The following BAIAP2 variants were observed in gnomAD, a reference collection of about 807,000 sequenced individuals.
BAIAP2 encodes BAR/IMD domain containing adaptor protein 2.
A neutral mutation model predicts 63.0 loss-of-function variants in BAIAP2; 18 were observed. The observed-to-expected ratio is 0.29, with a 90% CI of 0.20 to 0.42. The LOEUF is 0.42. Ranked by LOEUF, BAIAP2 falls within the 10% of genes least tolerant of loss-of-function variation. The pLI, the probability that BAIAP2 is intolerant of heterozygous loss-of-function variation, is 1.00. For synonymous variants in BAIAP2, 386 were observed against 307.6 expected (o/e 1.25, Z -2.67); for missense variants, 610 against 734.3 (o/e 0.83, Z 1.96).
At position 81,047,554 on chromosome 17, in the gene BAIAP2, A is replaced by G. The variant is rs527534593; in HGVS notation, c.55-6114A>G. On this transcript the variant is annotated intron_variant, in intron 1 of 13. Coordinates refer to ENST00000428708, the MANE Select transcript of BAIAP2 (RefSeq NM_001144888.2). ...TGCACAGGTAAACACGTTCATGCCC[A>G]CAGCACACACATGGGTCCAGCTCAT... Among the ~76,000 whole-genome samples the G allele has an allele frequency of 2.6e-5, 4 of 152,150 alleles. No homozygotes were observed. In the South Asian group the frequency reaches 8.3e-4, roughly 32 times the overall value.
At chr17:81,085,401 C>T (rs994802349) in intron 4 of BAIAP2, 39 of 644,624 alleles carry the variant, frequency 6.1e-5, no homozygotes, top group African/African-American at 5.5e-4. Flanking sequence ...AGGGGATGGC[C>T]GTTTGTTTCC....
chr17:81,078,990 C>A (rs1440722206), intron 3 of BAIAP2, among the ~76,000 whole-genome samples: 2 of 152,126 alleles, frequency 1.3e-5, no homozygotes, highest in Non-Finnish European at 2.9e-5. Flanking sequence ...GCTCAGCCTG[C>A]AGGAGAGATG....
In BAIAP2 at chr17:81,116,029, C is replaced by T. The variant is rs1234519937; in HGVS notation, c.*190C>T. The T allele has an allele frequency of 4.8e-6, 7 of 1,459,082 alleles. No homozygotes were observed. Among genetic ancestry groups the T allele is most frequent in the Non-Finnish European group, 6.3e-6 (7 of 1,108,780 alleles). 90.4% of individuals were successfully genotyped at this position (1,459,082 alleles called of 1,614,324 possible). A position where few individuals can be genotyped will look rare whatever the true frequency, so the allele number is the denominator to read the frequency against. On this transcript the variant is annotated 3_prime_UTR_variant, in exon 14 of 14. Transcript: ENST00000428708. ...AGGGCCGGGCAGAGTGGGGCGCAGG[C>T]CCCTGAAGGGCGAGACCCAGTGGCT...
At chr17:81,049,554 C>A (rs1425224460) in intron 1 of BAIAP2, among the ~76,000 whole-genome samples, 2 of 152,260 alleles carry the variant, frequency 1.3e-5, no homozygotes, top group Admixed American at 1.3e-4. Context: ...CCATCCCCTG[C>A]CCCAGCACTG....
At chr17:81,064,602 C>CT (rs11413283) in intron 3 of BAIAP2, among the ~76,000 whole-genome samples, 78,789 of 152,006 alleles carry the variant, frequency 0.52, 20,618 homozygotes, top group Middle Eastern at 0.58. Flanking sequence ...CCCAGAGAGT[C>CT]TTTTTTTGCT....
chr17:81,073,369 C>T (rs1341094413), intron 3 of BAIAP2, among the ~76,000 whole-genome samples: 1 of 152,166 alleles, frequency 6.6e-6, no homozygotes, highest in Non-Finnish European at 1.5e-5. Context: ...GGCTGTGCTG[C>T]TCCCCTCACC....
At chr17:81,104,989 C>CCCCAACGG (rs2058957903) in intron 10 of BAIAP2, 1 of 400,984 alleles carries the variant, frequency 2.5e-6, no homozygotes, top group Admixed American at 4.0e-5. Context: ...AGGGATCTCC[C>CCCCAACGG]CCCAACGGCA....
intron 10 of BAIAP2, 37 bp from the exon 11 acceptor site, chr17:81,106,041 G>A (rs1435107082): frequency 5.2e-6 from 8 of 1,546,486 alleles, no homozygotes; most frequent in Non-Finnish European, 7.0e-6. Flanking sequence ...GGAGCCTCTG[G>A]GCTGAGCGTG....
chr17:81,095,395 T>A (rs1425395083), intron 6 of BAIAP2, among the ~76,000 whole-genome samples: 1 of 152,114 alleles, frequency 6.6e-6, no homozygotes, highest in African/African-American at 2.4e-5. Flanking sequence ...GGCCGCCACC[T>A]CCTCTCCTCC....
rs570830586 is a variant in BAIAP2 at position 81,101,064 on chromosome 17, G to A, written c.642+984G>A. 1.2e-4 allele frequency among the ~76,000 whole-genome samples: 18 copies of A among 151,030 alleles called. No homozygotes were observed. In the East Asian group the frequency reaches 2.3e-3, roughly 19 times the overall value. ...TAGGCGTCCCCCGGCACAGTCCTGCGGCCCTGTGTCTCCCGCTAGGTGTCC... is the reference window on the plus strand; with the variant it reads ...TAGGCGTCCCCCGGCACAGTCCTGCAGCCCTGTGTCTCCCGCTAGGTGTCC... On this transcript the variant is annotated intron_variant, in intron 7 of 13. Coordinates refer to ENST00000428708, the MANE Select transcript of BAIAP2 (RefSeq NM_001144888.2).
chr17:81,048,567 G>A (rs964901155), intron 1 of BAIAP2, among the ~76,000 whole-genome samples: 5 of 151,836 alleles, frequency 3.3e-5, no homozygotes, highest in South Asian at 2.1e-4. Context: ...AGGCCGGCCC[G>A]TAGCACTGAA....
chr17:81,082,400 C>T (rs1184334823), intron 3 of BAIAP2, among the ~76,000 whole-genome samples: 1 of 152,210 alleles, frequency 6.6e-6, no homozygotes, highest in African/African-American at 2.4e-5. Context: ...CAGGCCCAGG[C>T]ATGTCATCTT....
intron 3 of BAIAP2, among the ~76,000 whole-genome samples, chr17:81,068,336 G>A (rs935090251): frequency 1.3e-5 from 2 of 152,250 alleles, no homozygotes; most frequent in African/African-American, 4.8e-5. Context: ...GCCCATGGCA[G>A]GGGTCTCCCC....
intron 1 of BAIAP2, among the ~76,000 whole-genome samples, chr17:81,042,549 C>T (rs1377400180): frequency 6.6e-6 from 1 of 152,162 alleles, no homozygotes; most frequent in Non-Finnish European, 1.5e-5. Flanking sequence ...GCTGTCCAGG[C>T]GTGCCCCTGC....
intron 6 of BAIAP2, among the ~76,000 whole-genome samples, chr17:81,098,819 C>T (rs1006403108): frequency 6.6e-5 from 10 of 152,210 alleles, no homozygotes; most frequent in African/African-American, 1.9e-4. Context: ...AGCGGCTGAC[C>T]GCCGGGTCAG....
intron 1 of BAIAP2, among the ~76,000 whole-genome samples, chr17:81,050,434 G>T (rs1031401279): frequency 2.6e-5 from 4 of 152,192 alleles, no homozygotes; most frequent in South Asian, 4.1e-4. Flanking sequence ...GTGCTGCCCC[G>T]TGCGTCATGC....
intron 3 of BAIAP2, among the ~76,000 whole-genome samples, chr17:81,075,278 T>C (rs552368628): frequency 2.0e-5 from 3 of 152,310 alleles, no homozygotes; most frequent in East Asian, 3.9e-4. Context: ...CCCTCTCTCT[T>C]CCGGGACCAT....
chr17:81,074,296 A>G (rs1244560449), intron 3 of BAIAP2, among the ~76,000 whole-genome samples: 1 of 152,184 alleles, frequency 6.6e-6, no homozygotes, highest in East Asian at 1.9e-4. Context: ...GCATGCATGG[A>G]TACGTGTGAG....
At position 81,057,982 on chromosome 17, in the gene BAIAP2, C is replaced by CA; in HGVS notation, c.217+15_217+16insA. 3 of 1,205,274 alleles carry CA rather than the reference C, an allele frequency of 2.5e-6. No homozygotes were observed. Among genetic ancestry groups the CA allele is most frequent in the Non-Finnish European group, 3.3e-6 (3 of 917,350 alleles). 74.7% of individuals were successfully genotyped at this position (1,205,274 alleles called of 1,614,324 possible). A position where few individuals can be genotyped will look rare whatever the true frequency, so the allele number is the denominator to read the frequency against. On this transcript the variant is annotated intron_variant, in intron 3 of 13. Transcript: ENST00000428708. ...CAAAGAACTCGGTGAGACCCCCCCCCCCCCCCCGCCTGGTAGTCGCCTGAT... is the reference window on the plus strand; with the variant it reads ...CAAAGAACTCGGTGAGACCCCCCCCCACCCCCCCGCCTGGTAGTCGCCTGAT...
Sources: allele counts gnomAD v4.1 joint callset (sites outside exome capture counted in the v4.1 genomes callset), GRCh38; gene constraint gnomAD v4.1.1; transcripts MANE v1.5; gene names NCBI Gene and HGNC (gene_info 2026-07-23, HGNC 2026-07-21).